The following SYNE2 variants were observed in gnomAD, a reference collection of about 807,000 sequenced individuals.
The protein encoded by SYNE2 is spectrin repeat containing nuclear envelope protein 2.
In SYNE2, 431 loss-of-function variants were observed where a neutral mutation model predicts 856.3. That is an observed-to-expected ratio of 0.50 (90% CI 0.47 to 0.55). The LOEUF (loss-of-function observed/expected upper bound fraction) is 0.55, where lower values mean the gene tolerates loss of function less well. Among genes scored for constraint, SYNE2 ranks in the 20% least tolerant of loss-of-function variants. SYNE2 has a pLI of 0.00. For missense variants in SYNE2, 8,129 were observed against 8,023.2 expected, an observed-to-expected ratio of 1.01 and a Z score of -0.50; for synonymous variants, 2,923 against 2,872.3, an observed-to-expected ratio of 1.02 and a Z score of -0.56.
At chr14:63,903,235 T>A (rs996906225) in intron 1 of SYNE2, among the ~76,000 whole-genome samples, 3 of 152,234 alleles carry the variant, frequency 2.0e-5, no homozygotes, top group African/African-American at 7.2e-5. Flanking sequence ...GCTATGACAG[T>A]ATTTGGGTTA....
intron 1 of SYNE2, among the ~76,000 whole-genome samples, chr14:63,861,503 A>G (rs1346034265): frequency 6.6e-6 from 1 of 151,662 alleles, no homozygotes; most frequent in Non-Finnish European, 1.5e-5. Flanking sequence ...CATTAATTGC[A>G]GTGTAGGCTG....
At chr14:64,096,515 G>A (rs993994748) in intron 61 of SYNE2, among the ~76,000 whole-genome samples, 4 of 152,196 alleles carry the variant, frequency 2.6e-5, no homozygotes, top group East Asian at 1.9e-4. Flanking sequence ...CCTAGTGGCT[G>A]TAGTATTGCT....
At chr14:63,921,650 G>A (rs966093336) in intron 2 of SYNE2, among the ~76,000 whole-genome samples, 3 of 152,200 alleles carry the variant, frequency 2.0e-5, no homozygotes, top group African/African-American at 7.2e-5. Context: ...ATGGAAATAC[G>A]TAAGTGGCCT....
intron 115 of SYNE2, 74 bp from the exon 116 acceptor site, chr14:64,225,245 G>C (rs2098713834): frequency 1.2e-6 from 2 of 1,610,724 alleles, no homozygotes; most frequent in Admixed American, 3.3e-5. Context: ...ACTTACATAA[G>C]CAGGGGCTTA....
intron 63 of SYNE2, chr14:64,099,142 A>G (rs1376045014): frequency 3.4e-5 from 12 of 356,464 alleles, no homozygotes; most frequent in Non-Finnish European, 5.3e-6. Flanking sequence ...TCCTGGTCTC[A>G]TTTTTAGAAC....
chr14:64,137,886 GGCCAGATC>G lies in SYNE2; in HGVS notation c.14749_14756del (p.Gln4917LysfsTer14). The G allele has an allele frequency of 6.2e-7, 1 of 1,614,118 alleles. No homozygotes were observed. The highest frequency in any genetic ancestry group is 8.5e-7 in the Non-Finnish European group (1 of 1,180,018). ...GTCTGTGAGCTGTCCTGAATTAGAG[GGCCAGATC>G]GCAAAACTGGAAGAGCAGTGGTTGT... is the stretch of plus-strand genomic sequence containing the variant. On this transcript the variant is annotated frameshift_variant, in exon 79 of 116. Transcript: ENST00000555002. LOFTEE classifies it high-confidence loss of function.
intron 84 of SYNE2, among the ~76,000 whole-genome samples, chr14:64,147,312 T>G (rs185150696): frequency 1.1e-4 from 16 of 152,256 alleles, no homozygotes; most frequent in African/African-American, 3.6e-4. Flanking sequence ...CCTCCCTCAT[T>G]TCCTTCTGAT....
intron 12 of SYNE2, among the ~76,000 whole-genome samples, chr14:63,977,423 A>C (rs1185238120): frequency 6.6e-6 from 1 of 152,146 alleles, no homozygotes; most frequent in Non-Finnish European, 1.5e-5. Flanking sequence ...CGTGTCAGCC[A>C]GGATGGTCTC....
chr14:64,170,961 G>A (rs2098407748), intron 94 of SYNE2, among the ~76,000 whole-genome samples: 1 of 152,148 alleles, frequency 6.6e-6, no homozygotes, highest in Non-Finnish European at 1.5e-5. Context: ...CTTAAGGAGT[G>A]TAATTGGATT....
chr14:63,792,293 C>A (rs1183439622), intron 1 of SYNE2, among the ~76,000 whole-genome samples: 1 of 152,074 alleles, frequency 6.6e-6, no homozygotes, highest in Non-Finnish European at 1.5e-5. Flanking sequence ...ACCTGTAATC[C>A]CAACAATTTG....
intron 77 of SYNE2, among the ~76,000 whole-genome samples, chr14:64,132,842 C>G (rs2098036490): frequency 6.6e-6 from 1 of 152,156 alleles, no homozygotes; most frequent in South Asian, 2.1e-4. Context: ...ATGCATAAAG[C>G]TCCTTCTCAG....
chr14:64,089,250 C>T (rs1241615540), intron 58 of SYNE2, among the ~76,000 whole-genome samples: 4 of 151,412 alleles, frequency 2.6e-5, no homozygotes, highest in African/African-American at 4.9e-5. Flanking sequence ...CCTGTAATCC[C>T]AGCTATTCAG....
chr14:63,969,571 G>C, intron 11 of SYNE2, among the ~76,000 whole-genome samples: 1 of 151,806 alleles, frequency 6.6e-6, no homozygotes, highest in East Asian at 1.9e-4. Flanking sequence ...TCAATCTCCT[G>C]ACCTCGTGAT....
intron 1 of SYNE2, among the ~76,000 whole-genome samples, chr14:63,796,921 T>C (rs1887935164): frequency 6.6e-6 from 1 of 150,638 alleles, no homozygotes; most frequent in African/African-American, 2.4e-5. Flanking sequence ...CTACTAAAGA[T>C]ACAAAAAATT....
intron 57 of SYNE2, among the ~76,000 whole-genome samples, chr14:64,082,537 G>A (rs2097532276): frequency 6.6e-6 from 1 of 152,152 alleles, no homozygotes. Flanking sequence ...TTTTCTAGAA[G>A]CTGAGAGTCA....
intron 2 of SYNE2, among the ~76,000 whole-genome samples, 177 bp from the exon 3 acceptor site, chr14:63,940,437 A>G (rs918154194): frequency 1.3e-5 from 2 of 151,008 alleles, no homozygotes; most frequent in Non-Finnish European, 3.0e-5. Flanking sequence ...TCGTATCAAC[A>G]TGGTTTTTCT....
chr14:64,109,680 T>G (rs986534391), intron 65 of SYNE2, among the ~76,000 whole-genome samples: 1 of 152,220 alleles, frequency 6.6e-6, no homozygotes, highest in Non-Finnish European at 1.5e-5. Context: ...CAGGAGGAAT[T>G]TGTCCACTTC....
Position 64,225,979 on chromosome 14 carries a change from A to C in SYNE2, c.*453A>C, listed in dbSNP as rs1329225009. The stretch of plus-strand genomic sequence containing the variant: ...TTAGCTGATGGAAACAATCAATCAT[A>C]TTTAATACGCTTAGAATCAGTTTTA... On this transcript the variant is annotated 3_prime_UTR_variant, in exon 116 of 116. Coordinates refer to ENST00000555002, the MANE Select transcript of SYNE2 (RefSeq NM_182914.3). The C allele has an allele frequency of 3.5e-6, 1 of 285,206 alleles. No individual in the cohort carries two copies. Among genetic ancestry groups the C allele is most frequent in the South Asian group, 6.2e-5 (1 of 16,122 alleles). The allele number at this position is 285,206 out of a possible 1,614,324, so 17.7% of individuals were successfully genotyped here.
At chr14:63,962,532 CATGTAA>C (rs1168263389) in intron 9 of SYNE2, among the ~76,000 whole-genome samples, 1 of 152,172 alleles carries the variant, frequency 6.6e-6, no homozygotes, top group African/African-American at 2.4e-5. Context: ...TCTTTAGCTT[CATGTAA>C]ATGAAATTGT....
Sources: gnomAD v4.1 joint callset for allele counts (sites outside exome capture counted in the v4.1 genomes callset) on GRCh38, gnomAD v4.1.1 for gene constraint, MANE v1.5 for transcripts, NCBI Gene and HGNC (gene_info 2026-07-23, HGNC 2026-07-21) for gene names.